CELSR1: variants seen among roughly 807,000 people sequenced by gnomAD.
The protein encoded by CELSR1 is adhesion G protein-coupled receptor C1.
A neutral mutation model predicts 249.1 loss-of-function variants in CELSR1; 110 were observed. That is an observed-to-expected ratio of 0.44 (90% CI 0.38 to 0.52). The LOEUF is 0.52. CELSR1 is among the 20% of genes least tolerant of loss of function. CELSR1 has a pLI of 0.00. For missense variants in CELSR1, 4,109 were observed against 4,296.4 expected (o/e 0.96, Z 1.22); for synonymous variants, 2,113 against 1,900.0 (o/e 1.11, Z -2.92).
Position 46,468,262 on chromosome 22 carries a change from T to G in CELSR1, c.3545-3917A>C, listed in dbSNP as rs2080118648. Among the ~76,000 whole-genome samples, 1 of 151,860 alleles carries G rather than the reference T, an allele frequency of 6.6e-6. No homozygotes were observed. The highest frequency in any genetic ancestry group is 6.6e-5 in the Admixed American group (1 of 15,206). ...TTAGCTGGGCGTGGTGGTGCATGCC[T>G]GTAATCTTAGCTACTCGGGAGGCTG... is the stretch of plus-strand genomic sequence containing the variant. On this transcript the variant is annotated intron_variant, in intron 1 of 34. Transcript: ENST00000674500. The surrounding 1 kb of genome is among the most constrained non-coding windows in gnomAD (Gnocchi z 4.5).
intron 1 of CELSR1, among the ~76,000 whole-genome samples, chr22:46,497,669 T>C (rs2080426163): frequency 6.6e-6 from 1 of 152,160 alleles, no homozygotes; most frequent in African/African-American, 2.4e-5. Flanking sequence ...TACAAAGACT[T>C]TTTTTCCAAA....
rs2080742059 is a variant in CELSR1 at position 46,526,701 on chromosome 22, C to A, written c.3544+6926G>T. ...CTGCACGTGGTTATTCCTGCTCCAGCTCCCAAGCAGACTGTTCCCCACCCA... is the reference window on the plus strand; with the variant it reads ...CTGCACGTGGTTATTCCTGCTCCAGATCCCAAGCAGACTGTTCCCCACCCA... On this transcript the variant is annotated intron_variant, in intron 1 of 34. Transcript: ENST00000674500. This position sits in a 1 kb window ranked among gnomAD's most constrained non-coding sequence, Gnocchi z 4.7. Among the ~76,000 whole-genome samples, 1 of 152,196 alleles carries A rather than the reference C, an allele frequency of 6.6e-6. No individual in the cohort carries two copies. The highest frequency in any genetic ancestry group is 1.5e-5 in the Non-Finnish European group (1 of 68,032).
intron 27 of CELSR1, among the ~76,000 whole-genome samples, chr22:46,368,061 G>C (rs1427507338): frequency 2.6e-5 from 4 of 152,202 alleles, no homozygotes; most frequent in African/African-American, 7.2e-5. Flanking sequence ...CAGAGCTCGT[G>C]TTAGTGGGGG....
At chr22:46,373,183 G>A in intron 24 of CELSR1, 126 bp from the exon 25 acceptor site, 2 of 1,014,322 alleles carry the variant, frequency 2.0e-6, no homozygotes, top group Non-Finnish European at 2.8e-6. Context: ...GTCCTCAGCT[G>A]AGCAGGGCTA....
rs886125355 is a variant in CELSR1 at position 46,406,327 on chromosome 22, C to G, written c.5226+2669G>C. On this transcript the variant is annotated intron_variant, in intron 9 of 34. Transcript: ENST00000674500. This position sits in a 1 kb window ranked among gnomAD's most constrained non-coding sequence, Gnocchi z 5.4. ...GAAATTACAGGTTAACAAGGGCCCA[C>G]AGGCCAGCTGTAATCATCCCTGGCG... 1.3e-5 allele frequency among the ~76,000 whole-genome samples: 2 copies of G among 152,234 alleles called. No individual in the cohort carries two copies. The highest frequency in any genetic ancestry group is 2.4e-5 in the African/African-American group (1 of 41,464).
intron 26 of CELSR1, 70 bp downstream of exon 26, chr22:46,369,621 CA>C: frequency 6.9e-7 from 1 of 1,449,576 alleles, no homozygotes; most frequent in South Asian, 1.2e-5. Context: ...TGGCCCCAGC[CA>C]ACCCAGAACA....
chr22:46,378,840 T>G, intron 22 of CELSR1, 123 bp from the exon 23 acceptor site: 3 of 1,265,864 alleles, frequency 2.4e-6, no homozygotes, highest in Non-Finnish European at 3.2e-6. Flanking sequence ...AAACAGCAGG[T>G]GCCGTGAGTG....
chr22:46,415,071 C>T (rs140105251), intron 5 of CELSR1, among the ~76,000 whole-genome samples: 81 of 152,360 alleles, frequency 5.3e-4, no homozygotes, highest in African/African-American at 1.8e-3. Context: ...AGGACAGGCA[C>T]ATCCACAGAC....
intron 1 of CELSR1, among the ~76,000 whole-genome samples, chr22:46,533,260 T>C (rs1464938526): frequency 6.6e-6 from 1 of 152,208 alleles, no homozygotes; most frequent in Non-Finnish European, 1.5e-5. Flanking sequence ...GCCCTGTGGC[T>C]GGCTGACGAA....
intron 29 of CELSR1, 104 bp downstream of exon 29, chr22:46,366,889 G>A: frequency 7.0e-7 from 1 of 1,438,126 alleles, no homozygotes; most frequent in Non-Finnish European, 9.2e-7. Flanking sequence ...CCCACCGTGA[G>A]GGGCATACGG....
chr22:46,439,472 G>T lies in CELSR1; in HGVS notation c.4184-61C>A, dbSNP rs533034082. On this transcript the variant is annotated intron_variant, in intron 2 of 34. Coordinates refer to ENST00000674500, the MANE Select transcript of CELSR1 (RefSeq NM_001378328.1). ...ACCGACCAGCCAGGGAAAAGCCAAC[G>T]AGCCTGTCGCAGACCCTGGACACAC... is the stretch of plus-strand genomic sequence containing the variant. The T allele has an allele frequency of 2.4e-4, 347 of 1,439,240 alleles. 10 individuals carry two copies. In the South Asian group the frequency reaches 4.2e-3, roughly 17 times the overall value. 89.2% of individuals were successfully genotyped at this position (1,439,240 alleles called of 1,614,324 possible). A position where few individuals can be genotyped will look rare whatever the true frequency, so the allele number is the denominator to read the frequency against.
Position 46,436,264 on chromosome 22 carries a change from A to G in CELSR1, c.4432T>C (p.Leu1478=). 6.2e-7 allele frequency: 1 copy of G among 1,614,070 alleles called. No individual in the cohort carries two copies. The highest frequency in any genetic ancestry group is 2.2e-5 in the East Asian group (1 of 44,876). Reference sequence around the variant, plus strand: ...TTGAAGCGGCCGTTGTAGAGAAGCAAGCCGTTCCTTTCCTGAGTGGCAAAC... The same window carrying G: ...TTGAAGCGGCCGTTGTAGAGAAGCAGGCCGTTCCTTTCCTGAGTGGCAAAC... ...LTFATQERNG[L]LLYNGRFNEK... is the part of the protein sequence containing the mutation. Residue 1478 remains leucine (L), a synonymous_variant, in exon 4 of 35, where the codon TTG becomes CTG. Transcript: ENST00000674500. The surrounding 1 kb of genome is among the most constrained non-coding windows in gnomAD (Gnocchi z 5.9).
chr22:46,535,189 T>G lies in CELSR1; in HGVS notation c.1982A>C (p.Asp661Ala), dbSNP rs1352619953. The G allele has an allele frequency of 6.2e-7, 1 of 1,608,776 alleles. No homozygotes were observed. The highest frequency in any genetic ancestry group is 1.7e-5 in the Admixed American group (1 of 59,934). Residue 661 changes from aspartate (D) to alanine (A), a missense_variant, in exon 1 of 35, where the codon GAC (aspartate) becomes GCC (alanine). Asp to Ala is a moderately radical substitution (Grantham distance 126). Coordinates refer to ENST00000674500, the MANE Select transcript of CELSR1 (RefSeq NM_001378328.1). ...EHYSFGVEAVDHGSPPMSSST... is the reference protein window; with the variant it reads ...EHYSFGVEAVAHGSPPMSSST... ...GGAGCTCATGGGGGGCGAGCCGTGG[T>G]CCACCGCCTCCACCCCGAAGCTGTA... is the stretch of plus-strand genomic sequence containing the variant.
chr22:46,451,330 T>C (rs571361172), intron 2 of CELSR1, among the ~76,000 whole-genome samples: 1 of 152,336 alleles, frequency 6.6e-6, no homozygotes, highest in African/African-American at 2.4e-5. Flanking sequence ...TGTCCAGGGC[T>C]GGCCTTCTCT....
At position 46,428,947 on chromosome 22, in the gene CELSR1, G is replaced by A. The variant is rs112567283; in HGVS notation, c.4611+4446C>T. 0.015 allele frequency among the ~76,000 whole-genome samples: 2,324 copies of A among 152,252 alleles called. 62 individuals are homozygous for A. The highest frequency in any genetic ancestry group is 0.052 in the African/African-American group (2,173 of 41,548). On this transcript the variant is annotated intron_variant, in intron 5 of 34. Coordinates refer to ENST00000674500, the MANE Select transcript of CELSR1 (RefSeq NM_001378328.1). This position sits in a 1 kb window ranked among gnomAD's most constrained non-coding sequence, Gnocchi z 5.7. ...GCTTTAGAAGATGCCCAGGTCAGGT[G>A]GACACGAGCCACCCTTGCTTCCCCA...
Position 46,500,778 on chromosome 22 carries a change from G to A in CELSR1, c.3544+32849C>T, listed in dbSNP as rs1041403438. On this transcript the variant is annotated intron_variant, in intron 1 of 34. Transcript: ENST00000674500. The surrounding 1 kb of genome is among the most constrained non-coding windows in gnomAD (Gnocchi z 4.9). ...AGCTCACCACCGTGTCCCCACAACT[G>A]GAGCTGCCCGGGAGGCCAGCAGCAG... Among the ~76,000 whole-genome samples, 1 of 152,102 alleles carries A rather than the reference G, an allele frequency of 6.6e-6. No individual in the cohort carries two copies. The highest frequency in any genetic ancestry group is 2.4e-5 in the African/African-American group (1 of 41,396).
intron 23 of CELSR1, chr22:46,377,480 C>T (rs1053742968): frequency 4.5e-5 from 26 of 577,528 alleles, no homozygotes; most frequent in South Asian, 1.6e-4. Flanking sequence ...CTGGGGCCTG[C>T]GGCAGCACGC....
Position 46,381,084 on chromosome 22 carries a change from T to G in CELSR1, c.7089-129A>C. 1.0e-6 allele frequency: 1 copy of G among 987,812 alleles called. No homozygotes were observed. Among genetic ancestry groups the G allele is most frequent in the South Asian group, 1.6e-5 (1 of 61,706 alleles). The allele number at this position is 987,812 out of a possible 1,614,324, so 61.2% of individuals were successfully genotyped here. ...GGAGACAGAATCACACTCCGAGAGC[T>G]CGGACCCACGGACCCCACAGTATCT... On this transcript the variant is annotated intron_variant, in intron 21 of 34. Transcript: ENST00000674500. This position sits in a 1 kb window ranked among gnomAD's most constrained non-coding sequence, Gnocchi z 6.0.
chr22:46,515,427 A>C (rs887013111), intron 1 of CELSR1, among the ~76,000 whole-genome samples: 16 of 152,256 alleles, frequency 1.1e-4, no homozygotes, highest in Non-Finnish European at 5.9e-5. Flanking sequence ...GGTAAAGGGA[A>C]AGAGGCTCAC....
Sources: gnomAD v4.1 joint callset for allele counts (sites outside exome capture counted in the v4.1 genomes callset) on GRCh38, gnomAD v4.1.1 for gene constraint, Gnocchi (gnomAD v3.1) non-coding constraint, MANE v1.5 for transcripts, NCBI Gene and HGNC (gene_info 2026-07-23, HGNC 2026-07-21) for gene names.